Variants in SEPTIN7 observed in about 807,000 individuals in gnomAD.
SEPTIN7 encodes septin-7.
SEPTIN7 carries 10 observed loss-of-function variants against 63.3 expected under a neutral mutation model. That is an observed-to-expected ratio of 0.16 (90% confidence interval 0.10 to 0.27). SEPTIN7 has a LOEUF of 0.27. Ranked by LOEUF, SEPTIN7 falls within the 10% of genes least tolerant of loss-of-function variation. The pLI is 1.00. For synonymous variants in SEPTIN7, 131 were observed against 165.3 expected, an observed-to-expected ratio of 0.79 and a Z score of 1.59; for missense variants, 310 against 521.0, an observed-to-expected ratio of 0.59 and a Z score of 3.94.
chr7:35,859,280 GT>G (rs1785377450), intron 3 of SEPTIN7, among the ~76,000 whole-genome samples: 1 of 151,992 alleles, frequency 6.6e-6, no homozygotes, highest in Non-Finnish European at 1.5e-5. Flanking sequence ...AGAATATGTT[GT>G]TAGATTTCCA....
intron 3 of SEPTIN7, among the ~76,000 whole-genome samples, chr7:35,856,372 T>G (rs1331557903): frequency 1.3e-5 from 2 of 152,216 alleles, no homozygotes; most frequent in African/African-American, 2.4e-5. Context: ...TATTTATCCA[T>G]TCAACTACTG....
At chr7:35,886,231 C>A (rs1156488972) in intron 10 of SEPTIN7, among the ~76,000 whole-genome samples, 1 of 152,066 alleles carries the variant, frequency 6.6e-6, no homozygotes, top group African/African-American at 2.4e-5. Context: ...TTTTTGAGTC[C>A]AAAGCTAGAA....
At position 35,883,978 on chromosome 7, in the gene SEPTIN7, G is replaced by A; in HGVS notation, c.811G>A (p.Val271Ile). 1 of 1,600,100 alleles carries A rather than the reference G, an allele frequency of 6.2e-7. No individual in the cohort carries two copies. ...RVRGRQYPWGVAEVENGEHCD... is the reference protein window; with the variant it reads ...RVRGRQYPWGIAEVENGEHCD... ...CAGAGGAAGGCAGTATCCTTGGGGT[G>A]TTGCTGAAGGTAAGATTTTCTTCAG... Residue 271 changes from valine (V) to isoleucine (I), a missense_variant, in exon 9 of 14, where the codon GTT (valine) becomes ATT (isoleucine). Transcript: ENST00000350320.
At chr7:35,841,241 A>G (rs147571159) in intron 3 of SEPTIN7, among the ~76,000 whole-genome samples, 2,780 of 152,222 alleles carry the variant, frequency 0.018, 38 homozygotes, top group Middle Eastern at 0.041. Context: ...AAAAAAAAAA[A>G]TGTGGTTCTG....
At chr7:35,801,855 C>A (rs113468037) in intron 1 of SEPTIN7, among the ~76,000 whole-genome samples, 90 of 152,230 alleles carry the variant, frequency 5.9e-4, no homozygotes, top group African/African-American at 2.0e-3. Context: ...GCGGCGGCTG[C>A]AGCCGCAGCT....
chr7:35,806,850 G>T (rs1379307437), intron 1 of SEPTIN7, among the ~76,000 whole-genome samples: 1 of 152,156 alleles, frequency 6.6e-6, no homozygotes, highest in Non-Finnish European at 1.5e-5. Context: ...CAAATAAAAT[G>T]AACGTCATGG....
At chr7:35,850,249 C>G (rs1276618325) in intron 3 of SEPTIN7, among the ~76,000 whole-genome samples, 1 of 152,132 alleles carries the variant, frequency 6.6e-6, no homozygotes, top group Non-Finnish European at 1.5e-5. Context: ...ATTTGAGGTG[C>G]TTTTTAAAAT....
chr7:35,866,647 T>C (rs1000732644), intron 4 of SEPTIN7, among the ~76,000 whole-genome samples: 5 of 152,200 alleles, frequency 3.3e-5, no homozygotes, highest in African/African-American at 1.2e-4. Flanking sequence ...TGGGAAGCTG[T>C]GTACACTGAA....
At chr7:35,824,675 TACAG>T (rs1261923467) in intron 1 of SEPTIN7, among the ~76,000 whole-genome samples, 2 of 152,200 alleles carry the variant, frequency 1.3e-5, no homozygotes, top group African/African-American at 2.4e-5. Flanking sequence ...ACAAGTTAGT[TACAG>T]AGATCTGTCA....
At chr7:35,893,007 C>G (rs1787743988) in intron 11 of SEPTIN7, among the ~76,000 whole-genome samples, 1 of 152,098 alleles carries the variant, frequency 6.6e-6, no homozygotes, top group Non-Finnish European at 1.5e-5. Context: ...TTAGTTGTAT[C>G]TGACATTGTC....
chr7:35,815,159 T>C (rs753951032), intron 1 of SEPTIN7: 5 of 448,274 alleles, frequency 1.1e-5, no homozygotes, highest in South Asian at 7.9e-5. Context: ...ACTTCTTTAC[T>C]TTCTAGTTCA....
intron 2 of SEPTIN7, 26 bp downstream of exon 2, chr7:35,831,522 GT>G (rs1195487734): frequency 6.9e-6 from 3 of 435,614 alleles, no homozygotes; most frequent in Admixed American, 2.7e-5. Context: ...AATTTATAGA[GT>G]TTTTTTCAGT....
intron 11 of SEPTIN7, among the ~76,000 whole-genome samples, chr7:35,891,773 CTTTAT>C (rs1583637428): frequency 6.6e-6 from 1 of 152,066 alleles, no homozygotes; most frequent in Non-Finnish European, 1.5e-5. Flanking sequence ...TTTGCTGTAA[CTTTAT>C]TTTATAATAA....
Position 35,872,717 on chromosome 7 carries a change from A to G in SEPTIN7, c.328A>G (p.Thr110Ala), listed in dbSNP as rs1172338843. 1 of 1,612,710 alleles carries G rather than the reference A, an allele frequency of 6.2e-7. No homozygotes were observed. The highest frequency in any genetic ancestry group is 1.3e-5 in the African/African-American group (1 of 74,896). The change falls in exon 5 of 14, where the codon ACA becomes GCA. Residue 110 changes from threonine to alanine, a missense_variant. Coordinates refer to ENST00000350320, the MANE Select transcript of SEPTIN7 (RefSeq NM_001788.6). ...IKEGGVQLLL[T>A]IVDTPGFGDA... is the part of the protein sequence containing the mutation. ...AGAAGGTGGTGTTCAGTTGCTGCTC[A>G]CAATAGTTGATACCCCAGGATTTGG...
chr7:35,914,184 T>C, the SEPTIN7 span, among the ~76,000 whole-genome samples: 1 of 152,216 alleles, frequency 6.6e-6, no homozygotes, highest in African/African-American at 2.4e-5. Context: ...GCAGGTCATA[T>C]GCTATAATAA....
intron 3 of SEPTIN7, among the ~76,000 whole-genome samples, chr7:35,837,646 T>C (rs983051725): frequency 6.6e-6 from 1 of 152,232 alleles, no homozygotes; most frequent in Non-Finnish European, 1.5e-5. Context: ...GCACTGTTTT[T>C]CCTGAATACT....
chr7:35,903,039 T>G, intron 12 of SEPTIN7, 37 bp from the exon 13 acceptor site: 4 of 1,520,650 alleles, frequency 2.6e-6, no homozygotes, highest in Non-Finnish European at 3.5e-6. Context: ...TCTGATTTCT[T>G]AAATAGTTTT....
At chr7:35,910,164 A>C (rs1213748921), downstream of SEPTIN7, among the ~76,000 whole-genome samples, 4 of 152,224 alleles carry the variant, frequency 2.6e-5, no homozygotes, top group East Asian at 5.8e-4. Context: ...CATGGCTTTT[A>C]TGACCCAGCT....
chr7:35,872,684 T>C lies in SEPTIN7; in HGVS notation c.295T>C (p.Leu99=), dbSNP rs1367066878. The C allele has an allele frequency of 1.2e-6, 2 of 1,612,228 alleles. No individual in the cohort carries two copies. The highest frequency in any genetic ancestry group is 8.5e-7 in the Non-Finnish European group (1 of 1,178,438). Residue 99 remains leucine (L), a synonymous_variant, in exon 5 of 14, where the codon TTA becomes CTA. Transcript: ENST00000350320. The part of the protein sequence containing the change: ...KTVQVEQSKV[L]IKEGGVQLLL... ...CTTACAGGTGGAACAATCCAAAGTT[T>C]TAATCAAAGAAGGTGGTGTTCAGTT...
Sources: gnomAD v4.1 joint callset for allele counts (sites outside exome capture counted in the v4.1 genomes callset) on GRCh38, gnomAD v4.1.1 for gene constraint, MANE v1.5 for transcripts, NCBI Gene and HGNC (gene_info 2026-07-23, HGNC 2026-07-21) for gene names.